STK3: variants seen among roughly 807,000 people sequenced by gnomAD.
STK3 encodes serine/threonine kinase 3.
Under a neutral mutation model 58.0 loss-of-function variants are expected in STK3, and 41 were observed. The ratio of observed to expected loss-of-function variants is 0.71; its 90% confidence interval spans 0.55 to 0.92. The LOEUF (loss-of-function observed/expected upper bound fraction) is 0.92, where lower values mean the gene tolerates loss of function less well. STK3 is among the 40% of genes least tolerant of loss of function. The pLI is 0.00. For missense variants in STK3, 479 were observed against 602.7 expected (o/e 0.79, Z 2.15); for synonymous variants, 170 against 191.0 (o/e 0.89, Z 0.91).
At chr8:98,510,450 C>T (rs1286179602) in intron 10 of STK3, among the ~76,000 whole-genome samples, 5 of 137,164 alleles carry the variant, frequency 3.6e-5, no homozygotes, top group Non-Finnish European at 6.5e-5. Context: ...GCCCCTGTAA[C>T]ATCAGAGGGT....
At chr8:98,697,019 T>A (rs2130995923) in intron 6 of STK3, among the ~76,000 whole-genome samples, 1 of 152,344 alleles carries the variant, frequency 6.6e-6, no homozygotes, top group African/African-American at 2.4e-5. Flanking sequence ...CTATTGACTA[T>A]TGCCACAATT....
At chr8:98,597,742 A>T (rs1815953257) in intron 6 of STK3, 2 of 985,232 alleles carry the variant, frequency 2.0e-6, no homozygotes, top group African/African-American at 3.5e-5. Context: ...TTTAAATATC[A>T]GACCTTATAA....
intron 1 of STK3, among the ~76,000 whole-genome samples, chr8:98,792,896 ATGTGTGTGTGTG>A (rs34465301): frequency 6.9e-6 from 1 of 145,666 alleles, no homozygotes; most frequent in Non-Finnish European, 1.5e-5. Flanking sequence ...AAGAGACTGT[ATGTGTGTGTGTG>A]TGTGTGTGTG....
intron 6 of STK3, among the ~76,000 whole-genome samples, chr8:98,700,781 C>T (rs1825527308): frequency 6.6e-6 from 1 of 152,090 alleles, no homozygotes; most frequent in Non-Finnish European, 1.5e-5. Context: ...GGTACTTCTC[C>T]TGCTGTCCAC....
intron 6 of STK3, among the ~76,000 whole-genome samples, chr8:98,682,143 T>A (rs1235479118): frequency 6.6e-6 from 1 of 152,002 alleles, no homozygotes; most frequent in Non-Finnish European, 1.5e-5. Flanking sequence ...CATCTACATA[T>A]GTTCAAGAAG....
At chr8:98,609,600 GA>G (rs1195688702) in intron 6 of STK3, among the ~76,000 whole-genome samples, 1 of 152,150 alleles carries the variant, frequency 6.6e-6, no homozygotes, top group Non-Finnish European at 1.5e-5. Flanking sequence ...CAATAAAATA[GA>G]TTGAAAAATA....
rs1446100092 is a variant in STK3, at chr8:98,903,541, CTTCTTCTTCTTCTTCCTT to C, written c.-78-19725_-78-19708del. On this transcript the variant is annotated intron_variant, in intron 1 of 1. Transcript: ENST00000519420. ...TCTTCTTCTTCTTCTTCTTCTTCTT[CTTCTTCTTCTTCTTCCTT>C]TTTTTTTTTTTAAGTGGGGCCTTGC... Among the ~76,000 whole-genome samples the C allele has an allele frequency of 7.0e-3, 190 of 26,972 alleles. 5 individuals carry two copies. Among genetic ancestry groups the C allele is most frequent in the African/African-American group, 0.029 (137 of 4,762 alleles). The allele number at this position is 26,972 out of a possible 152,430, so 17.7% of individuals were successfully genotyped here.
intron 1 of STK3, among the ~76,000 whole-genome samples, chr8:98,916,142 T>C (rs1344377643): frequency 1.3e-5 from 2 of 152,168 alleles, no homozygotes; most frequent in Non-Finnish European, 2.9e-5. Context: ...TGGCCCGTCG[T>C]GGTGGCTCAC....
chr8:98,436,341 C>T (rs1318726468), intron 2 of STK3, among the ~76,000 whole-genome samples: 1 of 151,624 alleles, frequency 6.6e-6, no homozygotes, highest in East Asian at 2.0e-4. Flanking sequence ...CCTGTGTCTC[C>T]TGCCCGACGC....
intron 8 of STK3, among the ~76,000 whole-genome samples, chr8:98,560,493 A>T (rs1219896219): frequency 7.9e-5 from 12 of 152,116 alleles, no homozygotes; most frequent in Non-Finnish European, 1.8e-4. Context: ...ACATATTAAA[A>T]CATGTACAGG....
chr8:98,900,654 A>T (rs1564091765), intron 1 of STK3, among the ~76,000 whole-genome samples: 1 of 149,836 alleles, frequency 6.7e-6, no homozygotes, highest in Non-Finnish European at 1.5e-5. Context: ...ATAGTTTTAT[A>T]TTCTTTTTTT....
intron 4 of STK3, among the ~76,000 whole-genome samples, chr8:98,739,920 G>C (rs201993645): frequency 6.6e-6 from 1 of 151,610 alleles, no homozygotes; most frequent in Non-Finnish European, 1.5e-5. Context: ...GGAGCTGAAA[G>C]CCAAGGCTCG....
At chr8:98,440,752 A>G (rs1198131582) in intron 1 of STK3, among the ~76,000 whole-genome samples, 3 of 152,242 alleles carry the variant, frequency 2.0e-5, no homozygotes, top group African/African-American at 7.2e-5. Flanking sequence ...GCTAACATTC[A>G]CTAGGCACAT....
rs950925281 is a variant in STK3 at position 98,874,592 on chromosome 8, C to CAT, written c.110+9053_110+9054dup. Among the ~76,000 whole-genome samples the CAT allele has an allele frequency of 6.4e-3, 964 of 151,542 alleles. 13 individuals are homozygous for CAT. The highest frequency in any genetic ancestry group is 0.022 in the African/African-American group (909 of 41,326). ...ATATCTATATCTATCTATATATAAA[C>CAT]ATATATATATATGTGCTATCCATCA... On this transcript the variant is annotated intron_variant, in intron 3 of 12. Transcript: ENST00000523601.
chr8:98,630,658 G>A (rs991744150), intron 6 of STK3, among the ~76,000 whole-genome samples: 1 of 149,568 alleles, frequency 6.7e-6, no homozygotes, highest in African/African-American at 2.5e-5. Flanking sequence ...GAAGGAGAAG[G>A]AGAAGGAGAA....
At chr8:98,850,221 G>T (rs1435504451) in intron 3 of STK3, among the ~76,000 whole-genome samples, 1 of 152,044 alleles carries the variant, frequency 6.6e-6, no homozygotes, top group African/African-American at 2.4e-5. Context: ...GTAGTGCAAT[G>T]GCTATTCACA....
intron 10 of STK3, among the ~76,000 whole-genome samples, chr8:98,478,734 T>C (rs972545813): frequency 6.6e-6 from 1 of 152,226 alleles, no homozygotes; most frequent in Non-Finnish European, 1.5e-5. Context: ...TTCTGAAGAT[T>C]ACATGAGACC....
chr8:98,649,071 A>C (rs1335855498), intron 6 of STK3, among the ~76,000 whole-genome samples: 1 of 152,124 alleles, frequency 6.6e-6, no homozygotes, highest in East Asian at 1.9e-4. Flanking sequence ...AAAAAAAAAA[A>C]AACTCAATGT....
chr8:98,782,561 G>C (rs992506976), intron 1 of STK3: 4 of 315,274 alleles, frequency 1.3e-5, no homozygotes, highest in Admixed American at 3.8e-5. Flanking sequence ...GTACCATGAA[G>C]AGCGCCTCCA....
Sources: gnomAD v4.1 joint callset for allele counts (sites outside exome capture counted in the v4.1 genomes callset) on GRCh38, gnomAD v4.1.1 for gene constraint, MANE v1.5 for transcripts, NCBI Gene and HGNC (gene_info 2026-07-23, HGNC 2026-07-21) for gene names.